The following THSD7B variants were observed in gnomAD, a reference collection of about 807,000 sequenced individuals.
THSD7B encodes thrombospondin type-1 domain-containing protein 7B.
Under a neutral mutation model 213.6 loss-of-function variants are expected in THSD7B, and 138 were observed. The ratio of observed to expected loss-of-function variants is 0.65; its 90% CI spans 0.56 to 0.74. The LOEUF is 0.74. Among genes scored for constraint, THSD7B ranks in the 30% least tolerant of loss-of-function variants. THSD7B has a pLI of 0.00. For synonymous variants in THSD7B, 742 were observed against 687.0 expected, an observed-to-expected ratio of 1.08 and a Z score of -1.25; for missense variants, 1,931 against 1,991.5, an observed-to-expected ratio of 0.97 and a Z score of 0.58.
intron 27 of THSD7B, among the ~76,000 whole-genome samples, chr2:137,675,403 C>CATATATATATATAT (rs55940004): frequency 5.1e-5 from 6 of 116,524 alleles, no homozygotes; most frequent in Admixed American, 8.3e-5. Context: ...AAATGAATGC[C>CATATATATATATAT]ATATATATAT....
chr2:137,272,787 A>C, intron 11 of THSD7B, 125 bp downstream of exon 11: 1 of 1,028,410 alleles, frequency 9.7e-7, no homozygotes, highest in Non-Finnish European at 1.4e-6. Context: ...ACATATCTTC[A>C]AATACTTTAA....
chr2:137,596,257 A>G (rs1397765661), intron 17 of THSD7B, among the ~76,000 whole-genome samples: 1 of 152,034 alleles, frequency 6.6e-6, no homozygotes, highest in African/African-American at 2.4e-5. Context: ...TAATGTAGCT[A>G]TTAACTAACT....
At chr2:137,261,867 A>G (rs1573918562) in intron 10 of THSD7B, among the ~76,000 whole-genome samples, 1 of 150,536 alleles carries the variant, frequency 6.6e-6, no homozygotes, top group Admixed American at 6.7e-5. Flanking sequence ...TGGAAAACCA[A>G]TGTTTCCATA....
chr2:137,184,963 C>A (rs1680523746), intron 7 of THSD7B, among the ~76,000 whole-genome samples: 1 of 152,038 alleles, frequency 6.6e-6, no homozygotes, highest in Non-Finnish European at 1.5e-5. Flanking sequence ...TAGTTATAGT[C>A]ACAGATGAAT....
At chr2:137,555,683 G>A (rs1473269831) in intron 15 of THSD7B, among the ~76,000 whole-genome samples, 1 of 152,110 alleles carries the variant, frequency 6.6e-6, no homozygotes, top group Non-Finnish European at 1.5e-5. Context: ...ACGGAACAAA[G>A]CTGGACAGAG....
chr2:137,498,588 G>T (rs922761410), intron 15 of THSD7B, among the ~76,000 whole-genome samples: 1 of 151,974 alleles, frequency 6.6e-6, no homozygotes, highest in Non-Finnish European at 1.5e-5. Context: ...TTGGATGGGG[G>T]TATTTTTTTT....
At chr2:137,549,920 CT>C (rs1680813375) in intron 15 of THSD7B, among the ~76,000 whole-genome samples, 1 of 151,956 alleles carries the variant, frequency 6.6e-6, no homozygotes. Flanking sequence ...CATGGTGTTG[CT>C]TTTTTTCACT....
At chr2:137,348,249 G>T (rs1684922436) in intron 12 of THSD7B, among the ~76,000 whole-genome samples, 1 of 151,652 alleles carries the variant, frequency 6.6e-6, no homozygotes, top group Non-Finnish European at 1.5e-5. Flanking sequence ...GATTACACAA[G>T]GTGGTGTCAA....
At chr2:137,490,355 A>G (rs1269583650) in intron 15 of THSD7B, among the ~76,000 whole-genome samples, 1 of 152,234 alleles carries the variant, frequency 6.6e-6, no homozygotes. Flanking sequence ...CATATCTAAA[A>G]AAATCGATTC....
chr2:137,337,367 T>A (rs1449635140), intron 12 of THSD7B, among the ~76,000 whole-genome samples: 1 of 152,106 alleles, frequency 6.6e-6, no homozygotes, highest in Non-Finnish European at 1.5e-5. Context: ...CACAGCACGT[T>A]TCTCAGTTGG....
chr2:137,171,517 T>A (rs940083142), intron 7 of THSD7B, among the ~76,000 whole-genome samples: 6 of 152,178 alleles, frequency 3.9e-5, no homozygotes, highest in Non-Finnish European at 8.8e-5. Context: ...AAGCACCTGG[T>A]AGGTTATTTG....
At chr2:137,405,068 G>GA (rs1343974640) in intron 12 of THSD7B, among the ~76,000 whole-genome samples, 1 of 150,908 alleles carries the variant, frequency 6.6e-6, no homozygotes, top group South Asian at 2.1e-4. Flanking sequence ...GCTTGTGCTT[G>GA]AAAAAAAATA....
intron 15 of THSD7B, among the ~76,000 whole-genome samples, chr2:137,515,178 T>C (rs1305191012): frequency 1.3e-5 from 2 of 152,140 alleles, no homozygotes; most frequent in Non-Finnish European, 2.9e-5. Flanking sequence ...GGAATGGGGA[T>C]GTGTGGGAGG....
chr2:137,544,840 C>T (rs545254312), intron 15 of THSD7B, among the ~76,000 whole-genome samples: 49 of 151,750 alleles, frequency 3.2e-4, no homozygotes, highest in African/African-American at 7.2e-4. Context: ...ATTTCATATT[C>T]GAGAAATTTC....
At chr2:137,343,426 T>C (rs1431270780) in intron 12 of THSD7B, among the ~76,000 whole-genome samples, 1 of 151,836 alleles carries the variant, frequency 6.6e-6, no homozygotes, top group Non-Finnish European at 1.5e-5. Flanking sequence ...TAATTGTTTA[T>C]AGTAATTGCT....
chr2:137,254,927 A>AG (rs1360791034), intron 10 of THSD7B, among the ~76,000 whole-genome samples: 6 of 151,790 alleles, frequency 4.0e-5, no homozygotes, highest in East Asian at 1.9e-4. Context: ...AGAAAGAGTG[A>AG]GGGGGGGCTC....
chr2:137,559,577 T>C (rs1294591309), intron 15 of THSD7B, among the ~76,000 whole-genome samples: 1 of 152,038 alleles, frequency 6.6e-6, no homozygotes, highest in Non-Finnish European at 1.5e-5. Context: ...GATGGACTAA[T>C]GACTTAAATG....
chr2:136,993,398 G>A (rs534765479), intron 2 of THSD7B, among the ~76,000 whole-genome samples: 1 of 152,262 alleles, frequency 6.6e-6, no homozygotes, highest in South Asian at 2.1e-4. Context: ...ACCCATAAAG[G>A]CTATGAAGGT....
Position 137,620,160 on chromosome 2 carries a change from T to C in THSD7B, c.3682-449T>C, listed in dbSNP as rs991505116. Among the ~76,000 whole-genome samples, 165 of 152,344 alleles carry C rather than the reference T, an allele frequency of 1.1e-3. 1 individual carries two copies. Among genetic ancestry groups the C allele is most frequent in the Admixed American group, 9.3e-3 (143 of 15,300 alleles). On this transcript the variant is annotated intron_variant, in intron 19 of 27. Transcript: ENST00000409968. ...ATTGTTTTTAGCCCAGGCTTTTTTA[T>C]ACACTTTAGATGGGTTGCTGATTGT...
Sources: allele counts gnomAD v4.1 joint callset (sites outside exome capture counted in the v4.1 genomes callset), GRCh38; gene constraint gnomAD v4.1.1; transcripts MANE v1.5; gene names NCBI Gene and HGNC (gene_info 2026-07-23, HGNC 2026-07-21).